The following BRINP2 variants were observed in gnomAD, a reference collection of about 807,000 sequenced individuals.
BRINP2 encodes the protein BMP/retinoic acid inducible neural specific 2.
A neutral mutation model predicts 69.2 loss-of-function variants in BRINP2; 21 were observed. The ratio of observed to expected loss-of-function variants is 0.30; its 90% CI spans 0.22 to 0.44. BRINP2 has a LOEUF of 0.44. BRINP2 is among the 20% of genes least tolerant of loss of function. BRINP2 has a pLI of 1.00. For missense variants in BRINP2, 877 were observed against 986.0 expected (o/e 0.89, Z 1.48); for synonymous variants, 380 against 394.1 (o/e 0.96, Z 0.42).
intron 4 of BRINP2, among the ~76,000 whole-genome samples, chr1:177,271,985 A>G (rs567375003): frequency 1.6e-4 from 24 of 152,272 alleles, no homozygotes; most frequent in Non-Finnish European, 3.1e-4. Flanking sequence ...TAGGTCTACT[A>G]AACTCCCTTG....
At chr1:177,203,905 T>G (rs1234945071) in intron 1 of BRINP2, among the ~76,000 whole-genome samples, 1 of 152,170 alleles carries the variant, frequency 6.6e-6, no homozygotes, top group East Asian at 1.9e-4. Context: ...AATTTGACCC[T>G]GACAGAGAGA....
At chr1:177,198,117 G>A (rs1182621119) in intron 1 of BRINP2, among the ~76,000 whole-genome samples, 1 of 152,138 alleles carries the variant, frequency 6.6e-6, no homozygotes, top group Non-Finnish European at 1.5e-5. Context: ...TGTGAACTAA[G>A]GTCATAAAAG....
intron 2 of BRINP2, among the ~76,000 whole-genome samples, chr1:177,231,578 G>T (rs1649862176): frequency 1.3e-5 from 2 of 152,162 alleles, no homozygotes; most frequent in Admixed American, 1.3e-4. Flanking sequence ...TTGAGGGGCT[G>T]GTACTTTGTG....
chr1:177,227,504 A>G (rs551951477), intron 1 of BRINP2, among the ~76,000 whole-genome samples: 1 of 152,324 alleles, frequency 6.6e-6, no homozygotes, highest in South Asian at 2.1e-4. Flanking sequence ...GAATATGTGA[A>G]TGATTACATG....
chr1:177,244,959 G>T (rs566727760), intron 2 of BRINP2, among the ~76,000 whole-genome samples: 1 of 152,036 alleles, frequency 6.6e-6, no homozygotes, highest in Non-Finnish European at 1.5e-5. Context: ...ACTGAGGGAA[G>T]GAAATAAGCT....
chr1:177,203,759 G>A (rs567219331), intron 1 of BRINP2, among the ~76,000 whole-genome samples: 1 of 152,260 alleles, frequency 6.6e-6, no homozygotes, highest in Non-Finnish European at 1.5e-5. Context: ...GAAATAATAT[G>A]CAGCCTTTTT....
At chr1:177,272,935 T>C (rs1427220601) in intron 4 of BRINP2, among the ~76,000 whole-genome samples, 1 of 152,260 alleles carries the variant, frequency 6.6e-6, no homozygotes, top group African/African-American at 2.4e-5. Flanking sequence ...GTATATTTAA[T>C]ATACTTATTA....
chr1:177,205,639 T>G (rs1261581746), intron 1 of BRINP2, among the ~76,000 whole-genome samples: 1 of 152,200 alleles, frequency 6.6e-6, no homozygotes, highest in Non-Finnish European at 1.5e-5. Context: ...CAGGGCCTGC[T>G]ATGCTAAGTT....
chr1:177,204,136 A>G (rs1235708867), intron 1 of BRINP2, among the ~76,000 whole-genome samples: 1 of 152,184 alleles, frequency 6.6e-6, no homozygotes, highest in African/African-American at 2.4e-5. Context: ...ACGTTATAAG[A>G]ACCACAAGAA....
rs1650764103 is a variant in BRINP2, at chr1:177,256,531, C to T, written c.460+422C>T. Reference sequence around the variant, plus strand: ...CCTCTCTATAACGATTGGAAACTGTCCAAACCAACTCCAGTAGTTCTGGGC... The same window carrying T: ...CCTCTCTATAACGATTGGAAACTGTTCAAACCAACTCCAGTAGTTCTGGGC... On this transcript the variant is annotated intron_variant, in intron 3 of 7. Coordinates refer to ENST00000361539, the MANE Select transcript of BRINP2 (RefSeq NM_021165.4). 3 of 985,300 alleles carry T rather than the reference C, an allele frequency of 3.0e-6. No homozygotes were observed. In the African/African-American group the frequency reaches 5.2e-5, roughly 17 times the overall value. The allele number at this position is 985,300 out of a possible 1,614,324, so 61.0% of individuals were successfully genotyped here. A position where few individuals can be genotyped will look rare whatever the true frequency, so the allele number is the denominator to read the frequency against.
At chr1:177,193,503 G>T (rs1472628591) in intron 1 of BRINP2, among the ~76,000 whole-genome samples, 2 of 152,164 alleles carry the variant, frequency 1.3e-5, no homozygotes, top group African/African-American at 4.8e-5. Context: ...TGCCCAACAG[G>T]CACCTGTGGT....
At chr1:177,222,768 C>T (rs1179350779) in intron 1 of BRINP2, among the ~76,000 whole-genome samples, 2 of 151,728 alleles carry the variant, frequency 1.3e-5, no homozygotes, top group African/African-American at 4.8e-5. Context: ...AGTGTTGGAA[C>T]CAACCAAGGA....
In BRINP2 at chr1:177,281,190, T is replaced by A. The variant is rs372195886; in HGVS notation, c.2014T>A (p.Ser672Thr). The stretch of plus-strand genomic sequence containing the variant: ...TGAGCCCCTGGAGATGACTGATCCC[T>A]CTAAGAATTTGGGTTACATGAAAAT... ...YYEPLEMTDP[S>T]KNLGYMKINT... The change falls in exon 8 of 8, where the codon TCT becomes ACT. Residue 672 changes from serine (S) to threonine (T), a missense_variant. By Grantham distance (58) the Ser-to-Thr change is moderately conservative. Coordinates refer to ENST00000361539, the MANE Select transcript of BRINP2 (RefSeq NM_021165.4). 1.9e-6 allele frequency: 3 copies of A among 1,614,208 alleles called. No individual in the cohort carries two copies. Among genetic ancestry groups the A allele is most frequent in the Non-Finnish European group, 2.5e-6 (3 of 1,180,040 alleles).
At chr1:177,255,771 C>T in intron 2 of BRINP2, 148 bp from the exon 3 acceptor site, 1 of 796,642 alleles carries the variant, frequency 1.3e-6, no homozygotes, top group Non-Finnish European at 2.0e-6. Context: ...GGGCCTCTTC[C>T]AGGCTCTGGG....
chr1:177,235,374 C>T (rs1649987727), intron 2 of BRINP2, among the ~76,000 whole-genome samples: 1 of 152,174 alleles, frequency 6.6e-6, no homozygotes, highest in African/African-American at 2.4e-5. Flanking sequence ...AGACTATTTA[C>T]AGGAGGCATT....
chr1:177,184,148 G>T (rs1199037825), intron 1 of BRINP2, among the ~76,000 whole-genome samples: 1 of 152,110 alleles, frequency 6.6e-6, no homozygotes, highest in African/African-American at 2.4e-5. Context: ...TTTAATTAGT[G>T]ACTGCAGAGA....
intron 1 of BRINP2, among the ~76,000 whole-genome samples, chr1:177,207,997 T>G (rs1299497628): frequency 6.6e-6 from 1 of 152,084 alleles, no homozygotes; most frequent in Non-Finnish European, 1.5e-5. Context: ...GATTGAGGGG[T>G]GTAGAACCTG....
intron 2 of BRINP2, among the ~76,000 whole-genome samples, chr1:177,247,519 A>T (rs1300622942): frequency 6.6e-6 from 1 of 152,256 alleles, no homozygotes; most frequent in Admixed American, 6.5e-5. Context: ...ATTCAATAAC[A>T]TGTCCTCTGT....
At chr1:177,277,946 GCTT>G (rs1651553546) in intron 6 of BRINP2, among the ~76,000 whole-genome samples, 1 of 152,176 alleles carries the variant, frequency 6.6e-6, no homozygotes, top group Admixed American at 6.5e-5. Context: ...AAGGCAGGTT[GCTT>G]CTAAATTTGC....
Sources: gnomAD v4.1 joint callset for allele counts (sites outside exome capture counted in the v4.1 genomes callset) on GRCh38, gnomAD v4.1.1 for gene constraint, MANE v1.5 for transcripts, NCBI Gene and HGNC (gene_info 2026-07-23, HGNC 2026-07-21) for gene names.